Variants in LARP4 observed in about 807,000 individuals in gnomAD.
The protein encoded by LARP4 is La ribonucleoprotein 4.
A neutral mutation model predicts 92.9 loss-of-function variants in LARP4; 29 were observed. The ratio of observed to expected loss-of-function variants is 0.31; its 90% CI spans 0.23 to 0.43. LARP4 has a LOEUF of 0.43. Ranked by LOEUF, LARP4 falls within the 20% of genes least tolerant of loss-of-function variation. The pLI is 1.00. For missense variants in LARP4, 732 were observed against 860.0 expected, an observed-to-expected ratio of 0.85 and a Z score of 1.86; for synonymous variants, 279 against 284.1, an observed-to-expected ratio of 0.98 and a Z score of 0.18.
rs192522191 is a variant in LARP4 at position 50,467,149 on chromosome 12, T to G, written c.1545+29T>G. On this transcript the variant is annotated intron_variant, in intron 13 of 15. Coordinates refer to ENST00000398473, the MANE Select transcript of LARP4 (RefSeq NM_052879.5). The stretch of plus-strand genomic sequence containing the variant: ...AACACCCAGCATCTGAGTCTTACCT[T>G]ATGAGACCATATTTAGGCTTTATTT... 209 of 1,546,508 alleles carry G rather than the reference T, an allele frequency of 1.4e-4. 1 individual carries two copies. The African/African-American group carries it at 2.6e-3, about 19-fold the overall frequency.
At chr12:50,474,655 T>G (rs1413756603) in intron 15 of LARP4, among the ~76,000 whole-genome samples, 1 of 152,198 alleles carries the variant, frequency 6.6e-6, no homozygotes, top group Non-Finnish European at 1.5e-5. Flanking sequence ...CCCATTCTGT[T>G]TCTTTTGATT....
intron 1 of LARP4, among the ~76,000 whole-genome samples, chr12:50,408,094 T>C (rs1276312470): frequency 6.6e-6 from 1 of 151,588 alleles, no homozygotes; most frequent in Non-Finnish European, 1.5e-5. Context: ...GGGTAGGATG[T>C]GAACTGCATT....
At chr12:50,455,200 A>G (rs1953987863) in intron 10 of LARP4, among the ~76,000 whole-genome samples, 1 of 152,178 alleles carries the variant, frequency 6.6e-6, no homozygotes, top group Admixed American at 6.5e-5. Flanking sequence ...GATAATCTCA[A>G]TATTTGGTGT....
intron 10 of LARP4, among the ~76,000 whole-genome samples, chr12:50,456,674 C>G (rs752969959): frequency 2.0e-5 from 3 of 152,106 alleles, no homozygotes; most frequent in Non-Finnish European, 4.4e-5. Context: ...CACTTTACTT[C>G]TCTTTTCTGT....
chr12:50,417,921 C>G (rs138270502), intron 1 of LARP4, among the ~76,000 whole-genome samples: 4 of 152,104 alleles, frequency 2.6e-5, no homozygotes, highest in African/African-American at 9.7e-5. Context: ...AGTGTAATGG[C>G]GCGATCTTGG....
At chr12:50,434,154 C>T (rs962778600) in intron 4 of LARP4, among the ~76,000 whole-genome samples, 1 of 152,040 alleles carries the variant, frequency 6.6e-6, no homozygotes, top group Admixed American at 6.6e-5. Context: ...ATCAGGAATG[C>T]TGGGGTGGTT....
chr12:50,459,968 C>G (rs1955063621), intron 10 of LARP4, among the ~76,000 whole-genome samples: 1 of 151,904 alleles, frequency 6.6e-6, no homozygotes, highest in Non-Finnish European at 1.5e-5. Context: ...AAAACCCTGT[C>G]TCTACTGAAA....
Position 50,461,196 on chromosome 12 carries a change from T to C in LARP4, c.1183T>C (p.Leu395=), listed in dbSNP as rs776011583. ...ACACTCAACAGAGGGCTCTGTATCCTTGGGGGATGGACAGTTGAACAGATA... is the reference window on the plus strand; with the variant it reads ...ACACTCAACAGAGGGCTCTGTATCCCTGGGGGATGGACAGTTGAACAGATA... The part of the protein sequence containing the change: ...SEHSTEGSVS[L]GDGQLNRYSS... The change falls in exon 11 of 16, where the codon TTG becomes CTG. Residue 395 remains leucine (L), a synonymous_variant. Transcript: ENST00000398473. 6.2e-7 allele frequency: 1 copy of C among 1,614,114 alleles called. No individual in the cohort carries two copies.
chr12:50,440,615 A>G (rs1055854927), intron 7 of LARP4, 66 bp downstream of exon 7: 1 of 1,074,068 alleles, frequency 9.3e-7, no homozygotes, highest in Non-Finnish European at 1.4e-6. Flanking sequence ...GTATATTTTA[A>G]TTGAGAAAAT....
intron 12 of LARP4, 84 bp from the exon 13 acceptor site, chr12:50,466,875 T>G: frequency 1.5e-6 from 2 of 1,343,194 alleles, no homozygotes; most frequent in East Asian, 4.6e-5. Context: ...CTTCTTTTTC[T>G]TTTCTTGCAC....
chr12:50,467,108 C>G lies in LARP4; in HGVS notation c.1533C>G (p.Val511=). Residue 511 remains valine (V), a synonymous_variant, in exon 13 of 16, where the codon GTC becomes GTG. Transcript: ENST00000398473. ...GGATGTCTGATGTTGTTAAAGGTGT[C>G]TACAAAGAAAAGGTAAACACCCAGC... ...ENRMSDVVKG[V]YKEKDNEELT... 2 of 1,600,504 alleles carry G rather than the reference C, an allele frequency of 1.2e-6. No individual in the cohort carries two copies. The highest frequency in any genetic ancestry group is 1.7e-6 in the Non-Finnish European group (2 of 1,169,298).
intron 1 of LARP4, chr12:50,415,755 C>T (rs1186647725): frequency 1.4e-5 from 2 of 147,402 alleles, no homozygotes; most frequent in African/African-American, 4.9e-5. Context: ...GTGTCACGAT[C>T]TCGGCTCACT....
intron 4 of LARP4, 96 bp from the exon 5 acceptor site, chr12:50,435,392 T>C: frequency 2.7e-6 from 2 of 732,522 alleles, no homozygotes; most frequent in South Asian, 3.4e-5. Context: ...TAATCTTATT[T>C]CCATGCATTT....
At chr12:50,470,690 A>G (rs138402389) in intron 13 of LARP4, among the ~76,000 whole-genome samples, 13 of 152,054 alleles carry the variant, frequency 8.5e-5, no homozygotes, top group African/African-American at 2.6e-4. Flanking sequence ...GTGCCCGGCC[A>G]TGTATGCATT....
intron 4 of LARP4, among the ~76,000 whole-genome samples, chr12:50,434,464 A>C (rs1025705581): frequency 6.7e-6 from 1 of 149,692 alleles, no homozygotes; most frequent in South Asian, 2.1e-4. Context: ...TGTTGCCCCA[A>C]CTGGAGTGCA....
chr12:50,468,966 C>T (rs1311541235), intron 13 of LARP4, among the ~76,000 whole-genome samples: 6 of 151,996 alleles, frequency 3.9e-5, no homozygotes, highest in African/African-American at 1.5e-4. Context: ...CTTCTCTTTA[C>T]CGTCACCCTG....
chr12:50,433,169 A>G (rs1949929009), intron 4 of LARP4, among the ~76,000 whole-genome samples: 1 of 152,102 alleles, frequency 6.6e-6, no homozygotes, highest in Non-Finnish European at 1.5e-5. Flanking sequence ...GTCTGAGTCA[A>G]GATCTGCAAA....
intron 8 of LARP4, among the ~76,000 whole-genome samples, chr12:50,449,178 G>A (rs1952704646): frequency 6.6e-6 from 1 of 151,710 alleles, no homozygotes; most frequent in African/African-American, 2.4e-5. Flanking sequence ...TGGAGGAGGA[G>A]GTTGCAGTGA....
chr12:50,423,773 C>T lies in LARP4; in HGVS notation c.19-3989C>T, dbSNP rs1361795988. Among the ~76,000 whole-genome samples, 8 of 141,292 alleles carry T rather than the reference C, an allele frequency of 5.7e-5. 1 individual carries two copies. Among genetic ancestry groups the T allele is most frequent in the South Asian group, 4.4e-4 (2 of 4,500 alleles). The allele number at this position is 141,292 out of a possible 152,430, so 92.7% of individuals were successfully genotyped here. On this transcript the variant is annotated intron_variant, in intron 1 of 15. Transcript: ENST00000398473. ...GTAATTTTTTTTTTTTTTTTTTAGA[C>T]GGAGTCTTGTTCTTGTCACCCAGGC...
Sources: gnomAD v4.1 joint callset for allele counts (sites outside exome capture counted in the v4.1 genomes callset) on GRCh38, gnomAD v4.1.1 for gene constraint, MANE v1.5 for transcripts, NCBI Gene and HGNC (gene_info 2026-07-23, HGNC 2026-07-21) for gene names.